Variants in PHF24 observed in about 807,000 individuals in gnomAD.
PHF24 encodes the protein PHD finger protein 24.
Under a neutral mutation model 42.6 loss-of-function variants are expected in PHF24, and 25 were observed. That is an observed-to-expected ratio of 0.59 (90% confidence interval 0.43 to 0.82). PHF24 has a LOEUF of 0.82. Ranked by LOEUF, PHF24 falls within the 40% of genes least tolerant of loss-of-function variation. The pLI is 0.00. For synonymous variants in PHF24, 185 were observed against 204.8 expected, an observed-to-expected ratio of 0.90 and a Z score of 0.83; for missense variants, 470 against 538.1, an observed-to-expected ratio of 0.87 and a Z score of 1.25.
chr9:34,911,041 C>G, the PHF24 span, among the ~76,000 whole-genome samples: 1 of 152,050 alleles, frequency 6.6e-6, no homozygotes, highest in Admixed American at 6.5e-5. Context: ...TCAGACTAGT[C>G]TTGAACTCCT....
chr9:34,948,458 A>G, the PHF24 span, among the ~76,000 whole-genome samples: 228 of 152,322 alleles, frequency 1.5e-3, 1 homozygote, highest in Non-Finnish European at 2.5e-3. Flanking sequence ...ATTCATGGTA[A>G]GTGCCCTATA....
chr9:34,676,749 A>G, the PHF24 span, among the ~76,000 whole-genome samples: 2 of 152,244 alleles, frequency 1.3e-5, no homozygotes, highest in Admixed American at 1.3e-4. Context: ...AGGAGGACTC[A>G]GGAAGCTTAC....
At chr9:34,906,397 A>G in the PHF24 span, among the ~76,000 whole-genome samples, 1 of 152,158 alleles carries the variant, frequency 6.6e-6, no homozygotes, top group Non-Finnish European at 1.5e-5. Flanking sequence ...ATGGATTGAG[A>G]GATTCTTTAA....
chr9:34,895,633 T>A, the PHF24 span: 1 of 400,564 alleles, frequency 2.5e-6, no homozygotes, highest in Non-Finnish European at 4.4e-6. Flanking sequence ...TCTTTTTCAC[T>A]TGCCAAATAA....
At chr9:34,816,320 A>G in the PHF24 span, among the ~76,000 whole-genome samples, 3 of 152,134 alleles carry the variant, frequency 2.0e-5, no homozygotes, top group African/African-American at 7.2e-5. Context: ...TTTATCAAAT[A>G]ATTCCTTTTT....
the PHF24 span, among the ~76,000 whole-genome samples, chr9:34,688,339 G>C: frequency 6.6e-6 from 1 of 152,308 alleles, no homozygotes; most frequent in Non-Finnish European, 1.5e-5. Flanking sequence ...CTGGAGGCTA[G>C]CCTGCTTCCC....
At chr9:34,779,292 C>T in the PHF24 span, among the ~76,000 whole-genome samples, 2 of 151,972 alleles carry the variant, frequency 1.3e-5, no homozygotes, top group African/African-American at 4.8e-5. Context: ...GAAAAATCAA[C>T]AAACTCAAAA....
the PHF24 span, among the ~76,000 whole-genome samples, chr9:34,936,951 G>A: frequency 2.0e-5 from 3 of 151,114 alleles, no homozygotes; most frequent in South Asian, 2.1e-4. Flanking sequence ...GTCTCCACCC[G>A]GCAGCCACCC....
the PHF24 span, among the ~76,000 whole-genome samples, chr9:34,939,107 C>T: frequency 6.6e-5 from 10 of 151,948 alleles, no homozygotes; most frequent in Non-Finnish European, 1.3e-4. Flanking sequence ...ATGGAGAAAC[C>T]GCATCTCTAC....
the PHF24 span, among the ~76,000 whole-genome samples, chr9:34,687,572 C>A: frequency 1.3e-5 from 2 of 152,120 alleles, no homozygotes; most frequent in South Asian, 2.1e-4. Flanking sequence ...TACCTCCTGG[C>A]GGCAGTGTCA....
At chr9:34,671,050 T>G in the PHF24 span, among the ~76,000 whole-genome samples, 1 of 152,208 alleles carries the variant, frequency 6.6e-6, no homozygotes, top group Non-Finnish European at 1.5e-5. Context: ...ACTCTAGGAC[T>G]TCACCTTCCT....
chr9:34,784,460 T>G, the PHF24 span, among the ~76,000 whole-genome samples: 6 of 152,206 alleles, frequency 3.9e-5, no homozygotes, highest in African/African-American at 1.2e-4. Flanking sequence ...CTATTCCAAT[T>G]TGAATTATGT....
the PHF24 span, chr9:34,835,195 G>C: frequency 6.4e-7 from 1 of 1,551,660 alleles, no homozygotes; most frequent in African/African-American, 1.4e-5. Context: ...AGAAGGTCTG[G>C]ATGGGCTGGC....
chr9:34,930,976 G>A, the PHF24 span, among the ~76,000 whole-genome samples: 5 of 152,238 alleles, frequency 3.3e-5, no homozygotes, highest in South Asian at 6.2e-4. Context: ...TGGATCATGG[G>A]GTGAAGTTCT....
the PHF24 span, among the ~76,000 whole-genome samples, chr9:34,811,914 C>T: frequency 6.6e-6 from 1 of 151,960 alleles, no homozygotes; most frequent in African/African-American, 2.4e-5. Context: ...GATTAATATC[C>T]AGTATATATA....
chr9:34,934,368 A>T, the PHF24 span, among the ~76,000 whole-genome samples: 1 of 152,192 alleles, frequency 6.6e-6, no homozygotes, highest in South Asian at 2.1e-4. Context: ...AATTAGTTCT[A>T]ATCACTATCT....
At chr9:34,790,356 G>C in the PHF24 span, among the ~76,000 whole-genome samples, 1 of 152,246 alleles carries the variant, frequency 6.6e-6, no homozygotes, top group South Asian at 2.1e-4. Flanking sequence ...TTTTGTGATT[G>C]TTTTTGTCAT....
At chr9:34,756,898 TTTTTC>T in the PHF24 span, among the ~76,000 whole-genome samples, 17 of 151,988 alleles carry the variant, frequency 1.1e-4, no homozygotes, top group African/African-American at 1.9e-4. Context: ...TTCATCAGTG[TTTTTC>T]TTTTCTTTTC....
chr9:34,817,083 A>G, the PHF24 span, among the ~76,000 whole-genome samples: 1 of 152,244 alleles, frequency 6.6e-6, no homozygotes, highest in Non-Finnish European at 1.5e-5. Flanking sequence ...ATCAACTAGG[A>G]CAGATAATAT....
Sources: allele counts gnomAD v4.1 joint callset (sites outside exome capture counted in the v4.1 genomes callset), GRCh38; gene constraint gnomAD v4.1.1; transcripts MANE v1.5; gene names NCBI Gene and HGNC (gene_info 2026-07-23, HGNC 2026-07-21).